Variants in CNNM1 observed in about 807,000 individuals in gnomAD.
CNNM1 encodes metal transporter CNNM1.
A neutral mutation model predicts 78.8 loss-of-function variants in CNNM1; 44 were observed. The observed-to-expected ratio is 0.56, with a 90% CI of 0.44 to 0.72. The LOEUF (loss-of-function observed/expected upper bound fraction) is 0.72, where lower values mean the gene tolerates loss of function less well. Ranked by LOEUF, CNNM1 falls within the 30% of genes least tolerant of loss-of-function variation. CNNM1 has a pLI of 0.00. For missense variants in CNNM1, 1,101 were observed against 1,292.2 expected (o/e 0.85, Z 2.27); for synonymous variants, 584 against 581.5 (o/e 1.00, Z -0.06).
chr10:99,360,027 GT>G (rs35450610), intron 2 of CNNM1, among the ~76,000 whole-genome samples: 97,447 of 151,924 alleles, frequency 0.64, 32,155 homozygotes, highest in South Asian at 0.76. Flanking sequence ...AAAAGCAAAT[GT>G]TTTCAACCAA....
intron 7 of CNNM1, among the ~76,000 whole-genome samples, chr10:99,381,226 C>G (rs1459462625): frequency 2.0e-5 from 3 of 151,370 alleles, no homozygotes; most frequent in South Asian, 4.2e-4. Context: ...GCCTGGCCAA[C>G]GTGGTGAAAC....
Position 99,360,772 on chromosome 10 carries a change from G to A in CNNM1, c.1718-63G>A, listed in dbSNP as rs878907572. ...TTCTATCTGTCCCCTGTGATTCTGG[G>A]AAAACCTCCAAAGATCAACGTGATT... On this transcript the variant is annotated intron_variant, in intron 2 of 10. Transcript: ENST00000356713. The A allele has an allele frequency of 3.9e-6, 6 of 1,524,280 alleles. No individual in the cohort carries two copies. The South Asian group carries it at 7.8e-5, about 20-fold the overall frequency. The allele number at this position is 1,524,280 out of a possible 1,614,324, so 94.4% of individuals were successfully genotyped here.
intron 7 of CNNM1, among the ~76,000 whole-genome samples, chr10:99,378,185 A>G (rs2032036158): frequency 6.6e-6 from 1 of 152,050 alleles, no homozygotes; most frequent in Non-Finnish European, 1.5e-5. Context: ...GTTGGTCTCT[A>G]TCTCTTCACT....
rs758530224 is a variant in CNNM1 at position 99,390,357 on chromosome 10, G to A, written c.2726G>A (p.Cys909Tyr). Residue 909 changes from cysteine to tyrosine, a missense_variant, in exon 10 of 11, where the codon TGC becomes TAC. Physicochemically the swap from Cys to Tyr is radical, Grantham distance 194. Transcript: ENST00000356713. ...AACCTGGATACAGAGACCAGCCCCTGCAGTAGCGATTTTGAGGAAAACGTG... is the reference window on the plus strand; with the variant it reads ...AACCTGGATACAGAGACCAGCCCCTACAGTAGCGATTTTGAGGAAAACGTG... ...NINLDTETSP[C>Y]SSDFEENVGK... 24 of 1,613,348 alleles carry A rather than the reference G, an allele frequency of 1.5e-5. No individual in the cohort carries two copies. In the East Asian group the frequency reaches 2.5e-4, roughly 16 times the overall value.
intron 6 of CNNM1, among the ~76,000 whole-genome samples, chr10:99,366,774 C>G (rs547619825): frequency 5.3e-5 from 8 of 152,086 alleles, no homozygotes; most frequent in African/African-American, 1.9e-4. Context: ...GAGCAAGATT[C>G]CATCTCAAAA....
At chr10:99,349,217 A>G (rs1340610821) in intron 1 of CNNM1, among the ~76,000 whole-genome samples, 1 of 152,214 alleles carries the variant, frequency 6.6e-6, no homozygotes, top group Non-Finnish European at 1.5e-5. Context: ...AGAAGTTCTT[A>G]ACTGCAAGTG....
At chr10:99,333,701 A>G (rs2030035895) in intron 1 of CNNM1, among the ~76,000 whole-genome samples, 1 of 152,200 alleles carries the variant, frequency 6.6e-6, no homozygotes, top group African/African-American at 2.4e-5. Context: ...AGACAGGAAG[A>G]CTGTCCTCAG....
chr10:99,372,180 G>A (rs139686271), intron 6 of CNNM1, among the ~76,000 whole-genome samples: 265 of 152,144 alleles, frequency 1.7e-3, no homozygotes, highest in South Asian at 0.014. Flanking sequence ...ATCCAGCCCC[G>A]ATTACAGTGT....
At chr10:99,389,410 C>A (rs2032405157) in intron 9 of CNNM1, among the ~76,000 whole-genome samples, 1 of 97,678 alleles carries the variant, frequency 1.0e-5, no homozygotes, top group African/African-American at 3.7e-5. Context: ...GAGTGAGATT[C>A]CATCTCAAAA....
rs1420198226 is a variant in CNNM1 at position 99,393,658 on chromosome 10, G to GGGAAGGCTGGCACCCACCAAGAAGT, written c.*2148_*2172dup. ...CTTTTCAAATGTCCATCAATTGATGGGGAAGGCTGGCACCCACCAAGAAGT... is the reference window on the plus strand; with the variant it reads ...CTTTTCAAATGTCCATCAATTGATGGGGAAGGCTGGCACCCACCAAGAAGTGGAAGGCTGGCACCCACCAAGAAGT... On this transcript the variant is annotated 3_prime_UTR_variant, in exon 11 of 11. Coordinates refer to ENST00000356713, the MANE Select transcript of CNNM1 (RefSeq NM_020348.3). 2 of 152,234 alleles carry GGGAAGGCTGGCACCCACCAAGAAGT rather than the reference G, an allele frequency of 1.3e-5. No homozygotes were observed. The highest frequency in any genetic ancestry group is 4.8e-5 in the African/African-American group (2 of 41,330). 9.4% of individuals were successfully genotyped at this position (152,234 alleles called of 1,614,324 possible).
chr10:99,365,119 G>T, intron 6 of CNNM1, 117 bp downstream of exon 6: 1 of 1,011,414 alleles, frequency 9.9e-7, no homozygotes, highest in Non-Finnish European at 1.5e-6. Flanking sequence ...AATGCTGGCA[G>T]CCCCTTTGTA....
At chr10:99,364,617 C>G in intron 5 of CNNM1, 101 bp downstream of exon 5, 1 of 924,442 alleles carries the variant, frequency 1.1e-6, no homozygotes, top group East Asian at 2.7e-5. Context: ...TGTTAATCAG[C>G]CTGGACAAGC....
intron 1 of CNNM1, among the ~76,000 whole-genome samples, chr10:99,340,814 C>T (rs2030415853): frequency 7.6e-6 from 1 of 132,068 alleles, no homozygotes. Flanking sequence ...CTCTTTCTTT[C>T]TTTCTTTTCT....
chr10:99,329,432 C>T lies in CNNM1; in HGVS notation c.45C>T (p.Leu15=), dbSNP rs1850543184. ...CGGCAGCAGCGGTGGGTGTCAGGCT[C>T]CGGGACTGCTGCAGCCGAGGCGCTG... is the stretch of plus-strand genomic sequence containing the variant. ...AAAAAAVGVR[L]RDCCSRGAVL... is the part of the protein sequence containing the mutation. Residue 15 remains leucine (L), a synonymous_variant, in exon 1 of 11, where the codon CTC becomes CTT. Transcript: ENST00000356713. The T allele has an allele frequency of 8.5e-7, 1 of 1,180,638 alleles. No homozygotes were observed. Among genetic ancestry groups the T allele is most frequent in the Admixed American group, 2.6e-5 (1 of 39,204 alleles). 73.1% of individuals were successfully genotyped at this position (1,180,638 alleles called of 1,614,324 possible).
chr10:99,364,905 G>T (rs2031561241), intron 5 of CNNM1, 50 bp from the exon 6 acceptor site: 2 of 1,566,810 alleles, frequency 1.3e-6, no homozygotes, highest in Non-Finnish European at 1.8e-6. Context: ...CCCATAAGAA[G>T]TGTGTTTTCT....
chr10:99,382,588 C>A (rs565455972), intron 7 of CNNM1, among the ~76,000 whole-genome samples: 1 of 152,186 alleles, frequency 6.6e-6, no homozygotes, highest in African/African-American at 2.4e-5. Flanking sequence ...CAAAGTGAGA[C>A]CCCCATCTCT....
At chr10:99,350,596 A>G (rs1450548258) in intron 1 of CNNM1, among the ~76,000 whole-genome samples, 3 of 152,180 alleles carry the variant, frequency 2.0e-5, no homozygotes, top group Non-Finnish European at 4.4e-5. Context: ...ACCAAAATAC[A>G]GTTGTGATGT....
chr10:99,363,203 G>C (rs183818203), intron 4 of CNNM1, among the ~76,000 whole-genome samples: 87 of 152,290 alleles, frequency 5.7e-4, no homozygotes, highest in African/African-American at 2.0e-3. Context: ...ACTTAGAAAT[G>C]GTCTCTTTGT....
At chr10:99,369,250 A>G (rs2031726002) in intron 6 of CNNM1, among the ~76,000 whole-genome samples, 1 of 152,244 alleles carries the variant, frequency 6.6e-6, no homozygotes, top group South Asian at 2.1e-4. Flanking sequence ...AGAGCTAGAC[A>G]ATGATTCAAT....
Sources: allele counts gnomAD v4.1 joint callset (sites outside exome capture counted in the v4.1 genomes callset), GRCh38; gene constraint gnomAD v4.1.1; transcripts MANE v1.5; gene names NCBI Gene and HGNC (gene_info 2026-07-23, HGNC 2026-07-21).